The following OMA1 variants were observed in gnomAD, a reference collection of about 807,000 sequenced individuals.
OMA1 encodes the protein OMA1 zinc metallopeptidase.
Under a neutral mutation model 30.9 loss-of-function variants are expected in OMA1, and 38 were observed. The observed-to-expected ratio is 1.23, with a 90% CI of 0.95 to 1.61. OMA1 has a LOEUF of 1.61. Among genes scored for constraint, OMA1 ranks in the 40% most tolerant of loss-of-function variants. OMA1 has a pLI of 0.00. For synonymous variants in OMA1, 173 were observed against 121.9 expected (o/e 1.42, Z -2.76); for missense variants, 461 against 349.2 (o/e 1.32, Z -2.55).
intron 7 of OMA1, among the ~76,000 whole-genome samples, chr1:58,521,174 A>C (rs1158192849): frequency 6.6e-6 from 1 of 152,208 alleles, no homozygotes; most frequent in Non-Finnish European, 1.5e-5. Flanking sequence ...AAAACTAAGC[A>C]ATATACTTCT....
At chr1:58,527,146 G>A (rs758256118) in intron 7 of OMA1, 115 bp downstream of exon 7, 2 of 698,410 alleles carry the variant, frequency 2.9e-6, no homozygotes, top group Non-Finnish European at 5.2e-6. Context: ...TTACATAAAG[G>A]GCTAATACAG....
chr1:58,501,234 A>T (rs1645902168), intron 8 of OMA1, among the ~76,000 whole-genome samples: 1 of 152,212 alleles, frequency 6.6e-6, no homozygotes, highest in Non-Finnish European at 1.5e-5. Context: ...TGAAATTCAC[A>T]TTTAAAAAAG....
chr1:58,523,860 C>T (rs1646307566), intron 7 of OMA1, among the ~76,000 whole-genome samples: 1 of 152,138 alleles, frequency 6.6e-6, no homozygotes, highest in African/African-American at 2.4e-5. Flanking sequence ...GATCACACCA[C>T]TGCACTCCAG....
chr1:58,500,699 G>A (rs1396063320), intron 8 of OMA1, among the ~76,000 whole-genome samples: 1 of 152,070 alleles, frequency 6.6e-6, no homozygotes, highest in African/African-American at 2.4e-5. Context: ...TAAACAATGA[G>A]TAAGTTCAAA....
At chr1:58,487,011 G>A (rs568466868) in intron 8 of OMA1, among the ~76,000 whole-genome samples, 3 of 152,270 alleles carry the variant, frequency 2.0e-5, no homozygotes, top group African/African-American at 4.8e-5. Flanking sequence ...GCCACTAGAG[G>A]GTTTTAACCA....
chr1:58,499,096 C>A (rs1645853243), intron 8 of OMA1, among the ~76,000 whole-genome samples: 1 of 151,900 alleles, frequency 6.6e-6, no homozygotes, highest in South Asian at 2.1e-4. Context: ...ATGGATAAAT[C>A]TGGAGGACAT....
intron 1 of OMA1, chr1:58,541,382 A>T (rs1459030046): frequency 6.7e-6 from 1 of 149,990 alleles, no homozygotes; most frequent in Non-Finnish European, 1.5e-5. Context: ...TCTATAATAT[A>T]AACTGCAAAA....
chr1:58,535,050 TAAGA>T (rs1646495092), intron 3 of OMA1, among the ~76,000 whole-genome samples: 1 of 152,150 alleles, frequency 6.6e-6, no homozygotes, highest in Admixed American at 6.5e-5. Context: ...CTATACCTAA[TAAGA>T]AAGTTAAACT....
chr1:58,495,580 CA>C (rs59574373), intron 8 of OMA1, among the ~76,000 whole-genome samples: 45,613 of 151,668 alleles, frequency 0.3, 7,808 homozygotes, highest in Non-Finnish European at 0.37. Context: ...TTTAAACAAA[CA>C]AAACTGTATA....
At chr1:58,530,406 A>C (rs1317564013) in intron 6 of OMA1, among the ~76,000 whole-genome samples, 195 bp downstream of exon 6, 1 of 152,216 alleles carries the variant, frequency 6.6e-6, no homozygotes, top group Non-Finnish European at 1.5e-5. Context: ...ATCATTTGAG[A>C]GATGTAGTAT....
intron 1 of OMA1, among the ~76,000 whole-genome samples, chr1:58,545,382 T>C (rs572111884): frequency 7.9e-5 from 12 of 152,334 alleles, no homozygotes; most frequent in Admixed American, 1.3e-4. Context: ...CCAAGTGTCG[T>C]TTTGAATAGA....
chr1:58,512,871 T>C (rs1420910786), intron 7 of OMA1, among the ~76,000 whole-genome samples: 3 of 152,086 alleles, frequency 2.0e-5, no homozygotes, highest in Admixed American at 2.0e-4. Context: ...AAATTATAAA[T>C]TTAAGAGGGT....
At chr1:58,497,243 G>C (rs367686622) in intron 8 of OMA1, among the ~76,000 whole-genome samples, 2 of 152,116 alleles carry the variant, frequency 1.3e-5, no homozygotes, top group Admixed American at 6.5e-5. Context: ...AAAAGGGAGG[G>C]GGGTACTGTC....
chr1:58,526,656 C>G (rs1367701922), intron 7 of OMA1, among the ~76,000 whole-genome samples: 1 of 149,554 alleles, frequency 6.7e-6, no homozygotes, highest in Non-Finnish European at 1.5e-5. Context: ...AATGTCTGTT[C>G]GTCTACTGTT....
At chr1:58,482,787 C>A (rs929486944) in intron 8 of OMA1, among the ~76,000 whole-genome samples, 1 of 152,020 alleles carries the variant, frequency 6.6e-6, no homozygotes, top group Non-Finnish European at 1.5e-5. Context: ...GAGATGGGAG[C>A]GTGCCTGGGG....
chr1:58,499,156 T>C (rs183223762), intron 8 of OMA1, among the ~76,000 whole-genome samples: 42 of 151,926 alleles, frequency 2.8e-4, no homozygotes, highest in Admixed American at 1.2e-3. Context: ...CTATACAGTC[T>C]CACTTATATA....
At chr1:58,496,169 CTT>C (rs375006213) in intron 8 of OMA1, among the ~76,000 whole-genome samples, 1,671 of 144,942 alleles carry the variant, frequency 0.012, 32 homozygotes, top group African/African-American at 0.039. Context: ...TTTTTTTAGA[CTT>C]TTTTTTTTTG....
chr1:58,524,479 A>T (rs1335471812), intron 7 of OMA1, among the ~76,000 whole-genome samples: 2 of 152,220 alleles, frequency 1.3e-5, no homozygotes, highest in African/African-American at 4.8e-5. Context: ...GAGTCTATAG[A>T]TAGGCCTTTC....
intron 2 of OMA1, among the ~76,000 whole-genome samples, chr1:58,537,761 GAC>G (rs1310916029): frequency 2.0e-5 from 3 of 152,028 alleles, no homozygotes; most frequent in Non-Finnish European, 4.4e-5. Flanking sequence ...CATTTAAAGG[GAC>G]ATAAATCAAA....
Sources: gnomAD v4.1 joint callset for allele counts (sites outside exome capture counted in the v4.1 genomes callset) on GRCh38, gnomAD v4.1.1 for gene constraint, MANE v1.5 for transcripts, NCBI Gene and HGNC (gene_info 2026-07-23, HGNC 2026-07-21) for gene names.